FAM83B: variants seen among roughly 807,000 people sequenced by gnomAD.
FAM83B encodes protein FAM83B.
Under a neutral mutation model 38.8 loss-of-function variants are expected in FAM83B, and 26 were observed. The observed-to-expected ratio is 0.67, with a 90% confidence interval of 0.49 to 0.93. The LOEUF (loss-of-function observed/expected upper bound fraction) is 0.93. Ranked by LOEUF, FAM83B falls within the 40% of genes least tolerant of loss-of-function variation. The pLI, the probability that FAM83B is intolerant of heterozygous loss-of-function variation, is 0.00. For missense variants in FAM83B, 1,237 were observed against 1,197.3 expected (o/e 1.03, Z -0.49); for synonymous variants, 419 against 423.1 (o/e 0.99, Z 0.12).
At chr6:54,878,486 A>G (rs1362411926) in intron 2 of FAM83B, among the ~76,000 whole-genome samples, 1 of 152,172 alleles carries the variant, frequency 6.6e-6, no homozygotes. Context: ...GTAGGCCTTA[A>G]CAAAGTGACA....
rs1335942135 is a variant in FAM83B at position 54,943,241 on chromosome 6, C to G, written c.*1234C>G. Reference sequence around the variant, plus strand: ...ACTGCATAGTGTTTTTGTAAGAATACCATTGGGAAAATGAGAAGTTTTACT... The same window carrying G: ...ACTGCATAGTGTTTTTGTAAGAATAGCATTGGGAAAATGAGAAGTTTTACT... On this transcript the variant is annotated 3_prime_UTR_variant, in exon 5 of 5. Coordinates refer to ENST00000306858, the MANE Select transcript of FAM83B (RefSeq NM_001010872.3). 2.0e-5 allele frequency: 3 copies of G among 152,014 alleles called. No individual in the cohort carries two copies. The highest frequency in any genetic ancestry group is 4.4e-5 in the Non-Finnish European group (3 of 68,024). The allele number at this position is 152,014 out of a possible 1,614,324, so 9.4% of individuals were successfully genotyped here.
intron 2 of FAM83B, among the ~76,000 whole-genome samples, chr6:54,922,262 T>TA (rs1019154551): frequency 2.0e-5 from 3 of 152,046 alleles, no homozygotes; most frequent in African/African-American, 7.2e-5. Flanking sequence ...TCTGGCAAAT[T>TA]AAAAATAAAT....
At chr6:54,915,895 T>G (rs1773026579) in intron 2 of FAM83B, among the ~76,000 whole-genome samples, 1 of 152,016 alleles carries the variant, frequency 6.6e-6, no homozygotes, top group African/African-American at 2.4e-5. Context: ...TCTCAGGTAT[T>G]GTTTTAATCA....
intron 2 of FAM83B, among the ~76,000 whole-genome samples, chr6:54,871,622 A>C (rs1395979350): frequency 6.7e-6 from 1 of 148,322 alleles, no homozygotes; most frequent in Non-Finnish European, 1.5e-5. Context: ...GAGTGCTTAT[A>C]GTCCCAGCTA....
intron 2 of FAM83B, among the ~76,000 whole-genome samples, chr6:54,886,157 T>G (rs1218137238): frequency 6.6e-6 from 1 of 152,184 alleles, no homozygotes; most frequent in Admixed American, 6.5e-5. Context: ...TGTGATATTT[T>G]ATTTATATAA....
intron 2 of FAM83B, among the ~76,000 whole-genome samples, chr6:54,894,195 C>A (rs899342909): frequency 2.6e-5 from 4 of 152,180 alleles, no homozygotes; most frequent in African/African-American, 9.7e-5. Flanking sequence ...ATATGGGTAA[C>A]CATTGGCCTT....
intron 4 of FAM83B, among the ~76,000 whole-genome samples, chr6:54,933,843 C>G (rs1251461828): frequency 6.6e-6 from 1 of 152,120 alleles, no homozygotes; most frequent in Non-Finnish European, 1.5e-5. Flanking sequence ...GCACTGAAGA[C>G]AAGCCAGAAT....
intron 2 of FAM83B, among the ~76,000 whole-genome samples, chr6:54,920,435 A>G (rs1311590240): frequency 6.6e-6 from 1 of 151,896 alleles, no homozygotes; most frequent in Admixed American, 6.6e-5. Flanking sequence ...TCTGAATAAT[A>G]TTCAGTTGTG....
At chr6:54,862,872 C>T (rs193264157) in intron 1 of FAM83B, among the ~76,000 whole-genome samples, 2 of 151,538 alleles carry the variant, frequency 1.3e-5, no homozygotes, top group African/African-American at 4.8e-5. Flanking sequence ...TGCAAAAACC[C>T]CCCCCCAAAA....
At chr6:54,905,800 T>C (rs1353704140) in intron 2 of FAM83B, among the ~76,000 whole-genome samples, 2 of 135,894 alleles carry the variant, frequency 1.5e-5, no homozygotes, top group African/African-American at 4.9e-5. Flanking sequence ...CATAATCTTT[T>C]ATGATCACAA....
intron 1 of FAM83B, among the ~76,000 whole-genome samples, chr6:54,852,431 C>T (rs12212305): frequency 0.2 from 30,661 of 152,104 alleles, 3,151 homozygotes; most frequent in African/African-American, 0.25. Context: ...AAATCATGTG[C>T]ACATATGACA....
At chr6:54,908,597 T>C (rs1323093048) in intron 2 of FAM83B, among the ~76,000 whole-genome samples, 1 of 152,206 alleles carries the variant, frequency 6.6e-6, no homozygotes, top group Non-Finnish European at 1.5e-5. Context: ...GTTCTCGGAC[T>C]TAAGATTCTG....
intron 2 of FAM83B, among the ~76,000 whole-genome samples, chr6:54,907,628 GA>G (rs779934325): frequency 7.3e-6 from 1 of 137,282 alleles, no homozygotes; most frequent in Non-Finnish European, 1.5e-5. Context: ...GTTTTATGAA[GA>G]TTTTTTTTTA....
At chr6:54,857,893 A>G (rs1771479582) in intron 1 of FAM83B, among the ~76,000 whole-genome samples, 1 of 152,104 alleles carries the variant, frequency 6.6e-6, no homozygotes. Flanking sequence ...ATAGAAATGA[A>G]AAAAAAGGAG....
intron 2 of FAM83B, among the ~76,000 whole-genome samples, chr6:54,880,697 C>G (rs1276309111): frequency 6.6e-6 from 1 of 152,084 alleles, no homozygotes; most frequent in Non-Finnish European, 1.5e-5. Context: ...TCCGCCTCGG[C>G]CTCCCCAGGT....
At chr6:54,892,566 T>A (rs1436319490) in intron 2 of FAM83B, among the ~76,000 whole-genome samples, 2 of 151,918 alleles carry the variant, frequency 1.3e-5, no homozygotes, top group African/African-American at 4.8e-5. Flanking sequence ...GATAATGGCC[T>A]CCTCCATCCC....
At chr6:54,861,870 G>A (rs780841527) in intron 1 of FAM83B, among the ~76,000 whole-genome samples, 14 of 152,108 alleles carry the variant, frequency 9.2e-5, no homozygotes, top group Non-Finnish European at 1.8e-4. Context: ...GCTTATGTAC[G>A]TTTTAAGCCC....
At chr6:54,890,611 A>T (rs576507097) in intron 2 of FAM83B, among the ~76,000 whole-genome samples, 6 of 152,140 alleles carry the variant, frequency 3.9e-5, no homozygotes, top group Admixed American at 2.6e-4. Context: ...CACATGTGAA[A>T]TATCTCAACT....
chr6:54,921,464 T>C (rs1488950145), intron 2 of FAM83B, among the ~76,000 whole-genome samples: 1 of 151,934 alleles, frequency 6.6e-6, no homozygotes, highest in Non-Finnish European at 1.5e-5. Context: ...TACTAAAAGA[T>C]GTGAAGTTTT....
Sources: allele counts gnomAD v4.1 joint callset (sites outside exome capture counted in the v4.1 genomes callset), GRCh38; gene constraint gnomAD v4.1.1; transcripts MANE v1.5; gene names NCBI Gene and HGNC (gene_info 2026-07-23, HGNC 2026-07-21).